SEMA5B: variants seen among roughly 807,000 people sequenced by gnomAD.
SEMA5B encodes semaphorin 5B, also known as semaphorin-5B.
Under a neutral mutation model 135.0 loss-of-function variants are expected in SEMA5B, and 66 were observed. That is an observed-to-expected ratio of 0.49 (90% CI 0.40 to 0.60). SEMA5B has a LOEUF of 0.60. SEMA5B is among the 20% of genes least tolerant of loss of function. The probability of loss-of-function intolerance (pLI) is 0.00; values close to 1 mark genes in which losing one functional copy is unlikely to be tolerated. For synonymous variants in SEMA5B, 690 were observed against 639.5 expected (o/e 1.08, Z -1.19); for missense variants, 1,501 against 1,566.3 (o/e 0.96, Z 0.70).
chr3:122,955,315 G>A (rs1427822987), intron 2 of SEMA5B, among the ~76,000 whole-genome samples: 1 of 152,168 alleles, frequency 6.6e-6, no homozygotes, highest in Non-Finnish European at 1.5e-5. Context: ...CACAGCTGTT[G>A]TGGAGATGAA....
chr3:122,999,373 C>T (rs78052691), intron 1 of SEMA5B, among the ~76,000 whole-genome samples: 9,982 of 152,020 alleles, frequency 0.066, 399 homozygotes, highest in East Asian at 0.16. Flanking sequence ...ATTACAGGCG[C>T]CTGTGACCAT....
intron 1 of SEMA5B, among the ~76,000 whole-genome samples, chr3:123,004,588 A>G (rs994843192): frequency 6.6e-6 from 1 of 152,228 alleles, no homozygotes; most frequent in African/African-American, 2.4e-5. Flanking sequence ...AAAGAGGCCA[A>G]TCTAAAGTGT....
At chr3:123,023,920 G>T (rs1333462763) in intron 1 of SEMA5B, among the ~76,000 whole-genome samples, 1 of 152,184 alleles carries the variant, frequency 6.6e-6, no homozygotes, top group African/African-American at 2.4e-5. Context: ...CTTTTACCCT[G>T]TACCCAGGCA....
intron 1 of SEMA5B, among the ~76,000 whole-genome samples, chr3:123,026,337 C>T (rs1328705930): frequency 6.6e-6 from 1 of 152,100 alleles, no homozygotes; most frequent in African/African-American, 2.4e-5. Context: ...TGGGCAGGAT[C>T]GCAGGGGTGC....
chr3:122,980,623 A>G (rs1941494122), intron 1 of SEMA5B, among the ~76,000 whole-genome samples: 1 of 152,202 alleles, frequency 6.6e-6, no homozygotes, highest in Admixed American at 6.5e-5. Context: ...CCATTTGGGC[A>G]ATGGCCCAAA....
rs745663637 is a variant in SEMA5B, at chr3:122,912,280, G to T, written c.2788C>A (p.His930Asn). ...SPCSASCGGGHYQRTRSCTSP... is the reference protein window; with the variant it reads ...SPCSASCGGGNYQRTRSCTSP... ...GTGCAGGAACGGGTGCGTTGATAGT[G>T]ACCCCCACCACAGGAAGCTGAGCAT... The change falls in exon 19 of 23, where the codon CAC (histidine) becomes AAC (asparagine). Residue 930 changes from histidine (H) to asparagine (N), a missense_variant. By Grantham distance (68) the His-to-Asn change is moderately conservative. Around this residue, in one of 2 missense-constraint regions of SEMA5B, gnomAD observed 927 missense variants for 881.6 expected, o/e 1.05. Transcript: ENST00000357599. 1 of 1,612,212 alleles carries T rather than the reference G, an allele frequency of 6.2e-7. No homozygotes were observed. The highest frequency in any genetic ancestry group is 8.5e-7 in the Non-Finnish European group (1 of 1,179,148).
At chr3:122,954,970 GTTTTTTT>G (rs56870893) in intron 2 of SEMA5B, among the ~76,000 whole-genome samples, 1 of 141,818 alleles carries the variant, frequency 7.1e-6, no homozygotes, top group Non-Finnish European at 1.5e-5. Flanking sequence ...TTTGTTTTTT[GTTTTTTT>G]TTTTTTGTAG....
At chr3:123,012,840 G>A (rs1249361268) in intron 1 of SEMA5B, among the ~76,000 whole-genome samples, 1 of 152,220 alleles carries the variant, frequency 6.6e-6, no homozygotes, top group African/African-American at 2.4e-5. Context: ...TCCATCAGCT[G>A]TAGTCTAACT....
At chr3:122,932,649 T>A (rs905033385) in intron 5 of SEMA5B, among the ~76,000 whole-genome samples, 10 of 151,932 alleles carry the variant, frequency 6.6e-5, no homozygotes, top group African/African-American at 2.2e-4. Flanking sequence ...CCCATACCTA[T>A]AAGTACCCCT....
intron 1 of SEMA5B, chr3:122,976,028 C>G: frequency 2.0e-6 from 3 of 1,535,170 alleles, no homozygotes; most frequent in Non-Finnish European, 8.7e-7. Flanking sequence ...GCTTGCCCGT[C>G]CCTGTAGAAT....
chr3:122,981,498 G>T (rs1941520544), intron 1 of SEMA5B, among the ~76,000 whole-genome samples: 1 of 152,242 alleles, frequency 6.6e-6, no homozygotes, highest in African/African-American at 2.4e-5. Flanking sequence ...CTGAGAGCAT[G>T]TCTGGCCTAT....
intron 1 of SEMA5B, among the ~76,000 whole-genome samples, chr3:123,010,763 T>C (rs1015470226): frequency 8.2e-5 from 12 of 146,274 alleles, no homozygotes; most frequent in African/African-American, 3.1e-4. Context: ...TGAGCTGAGA[T>C]TGCGCCACTG....
chr3:122,923,494 G>T, intron 10 of SEMA5B, 123 bp downstream of exon 10: 1 of 1,070,886 alleles, frequency 9.3e-7, no homozygotes, highest in Non-Finnish European at 1.4e-6. Context: ...CCAGAGATGG[G>T]CATGGACTGG....
At chr3:122,956,057 A>C (rs1940280849) in intron 2 of SEMA5B, among the ~76,000 whole-genome samples, 1 of 152,210 alleles carries the variant, frequency 6.6e-6, no homozygotes, top group South Asian at 2.1e-4. Context: ...TGGATGGGGA[A>C]GGGGGCACAG....
chr3:122,928,434 AC>A (rs914266586), intron 7 of SEMA5B, 82 bp downstream of exon 7: 29 of 1,069,808 alleles, frequency 2.7e-5, no homozygotes, highest in Non-Finnish European at 3.7e-5. Context: ...AAATTTGGTA[AC>A]CCCCCTTCAA....
chr3:123,004,925 C>A (rs1328991975), intron 1 of SEMA5B, among the ~76,000 whole-genome samples: 1 of 152,186 alleles, frequency 6.6e-6, no homozygotes, highest in Admixed American at 6.5e-5. Flanking sequence ...TCTGACCAAA[C>A]CTCACACTGC....
intron 5 of SEMA5B, among the ~76,000 whole-genome samples, chr3:122,935,086 G>A (rs552241904): frequency 1.2e-4 from 18 of 152,148 alleles, no homozygotes; most frequent in East Asian, 5.8e-4. Context: ...ATGAAATTAC[G>A]TGATAAAAAA....
rs923878250 is a variant in SEMA5B, at chr3:122,943,677, C to T, written c.329-142G>A. 8 of 617,390 alleles carry T rather than the reference C, an allele frequency of 1.3e-5. No individual in the cohort carries two copies. In the Admixed American group the frequency reaches 2.3e-4, roughly 18 times the overall value. 38.2% of individuals were successfully genotyped at this position (617,390 alleles called of 1,614,324 possible). ...GGGAGACCTGGTGCCACCTGCCCACCTCTGTGTGCCCCTAGGGACTTGGGA... is the reference window on the plus strand; with the variant it reads ...GGGAGACCTGGTGCCACCTGCCCACTTCTGTGTGCCCCTAGGGACTTGGGA... On this transcript the variant is annotated intron_variant, in intron 3 of 22. Transcript: ENST00000357599.
chr3:122,932,506 T>C (rs1307361298), intron 5 of SEMA5B, among the ~76,000 whole-genome samples: 1 of 152,030 alleles, frequency 6.6e-6, no homozygotes, highest in Non-Finnish European at 1.5e-5. Flanking sequence ...ATCCCTATCA[T>C]ATCTCGCTGG....
Sources: gnomAD v4.1 joint callset for allele counts (sites outside exome capture counted in the v4.1 genomes callset) on GRCh38, gnomAD v4.1.1 for gene constraint, gnomAD v4.1.1 regional missense constraint, MANE v1.5 for transcripts, NCBI Gene and HGNC (gene_info 2026-07-23, HGNC 2026-07-21) for gene names.